FARP1: variants seen among roughly 807,000 people sequenced by gnomAD.
FARP1 encodes FERM, ARH/RhoGEF and pleckstrin domain protein 1.
FARP1 carries 52 observed loss-of-function variants against 128.8 expected under a neutral mutation model. The observed-to-expected ratio is 0.40, with a 90% CI of 0.32 to 0.51. FARP1 has a LOEUF of 0.51. Among genes scored for constraint, FARP1 ranks in the 20% least tolerant of loss-of-function variants. The probability of loss-of-function intolerance (pLI) is 0.45; values close to 1 mark genes in which losing one functional copy is unlikely to be tolerated. For synonymous variants in FARP1, 580 were observed against 551.8 expected, an observed-to-expected ratio of 1.05 and a Z score of -0.72; for missense variants, 1,333 against 1,367.9, an observed-to-expected ratio of 0.97 and a Z score of 0.40.
chr13:98,312,609 A>G (rs1362654767), intron 2 of FARP1, among the ~76,000 whole-genome samples: 2 of 152,224 alleles, frequency 1.3e-5, no homozygotes, highest in Non-Finnish European at 2.9e-5. Flanking sequence ...AAAAGAGGTC[A>G]GTATAGCTCA....
At chr13:98,378,630 G>A (rs1430840846) in intron 6 of FARP1, among the ~76,000 whole-genome samples, 7 of 151,534 alleles carry the variant, frequency 4.6e-5, no homozygotes, top group Admixed American at 4.6e-4. Flanking sequence ...ATATGAATTC[G>A]TCTCATATAA....
At chr13:98,150,388 T>C (rs1875910597) in intron 1 of FARP1, among the ~76,000 whole-genome samples, 1 of 152,326 alleles carries the variant, frequency 6.6e-6, no homozygotes, top group South Asian at 2.1e-4. Flanking sequence ...TTATTTAGGA[T>C]ACTTGATATA....
Position 98,388,403 on chromosome 13 carries a change from C to T in FARP1, c.780C>T (p.Ala260=). The T allele has an allele frequency of 6.2e-7, 1 of 1,614,006 alleles. No individual in the cohort carries two copies. The highest frequency in any genetic ancestry group is 1.3e-5 in the African/African-American group (1 of 75,050). The stretch of plus-strand genomic sequence containing the variant: ...TTTAGGGTTTCACTAAGATCAATGC[C>T]TTCAACTGGGCCAAGGTGCGGAAGC... ...LVFQGFTKIN[A]FNWAKVRKLS... Residue 260 remains alanine (A), a synonymous_variant, in exon 9 of 27, where the codon GCC becomes GCT. Transcript: ENST00000319562.
chr13:98,381,520 C>G (rs183937727), intron 6 of FARP1: 25 of 152,212 alleles, frequency 1.6e-4, no homozygotes, highest in African/African-American at 5.5e-4. Context: ...GTATTTTGAA[C>G]TTAATTTTCT....
chr13:98,448,188 G>A, intron 26 of FARP1, 48 bp from the exon 27 acceptor site: 2 of 1,496,910 alleles, frequency 1.3e-6, no homozygotes, highest in South Asian at 1.1e-5. Context: ...AAAGTGTCAG[G>A]AGTCCGTCCA....
At chr13:98,174,244 A>C (rs1393543593) in intron 1 of FARP1, among the ~76,000 whole-genome samples, 1 of 152,208 alleles carries the variant, frequency 6.6e-6, no homozygotes, top group East Asian at 1.9e-4. Context: ...TCATTTTAAA[A>C]ATGGAATAAG....
intron 2 of FARP1, among the ~76,000 whole-genome samples, chr13:98,256,949 A>ATATATATATATATATATATG (rs1883629824): frequency 4.6e-5 from 1 of 21,688 alleles, no homozygotes; most frequent in Non-Finnish European, 7.2e-5. Flanking sequence ...ATATATGTGG[A>ATATATATATATATATATATG]TATATATATA....
rs561497718 is a variant in FARP1, at chr13:98,394,394, GTTTTTCTGATGACT to G, written c.1164+677_1164+690del. 3.0e-4 allele frequency among the ~76,000 whole-genome samples: 45 copies of G among 152,314 alleles called. No homozygotes were observed. In the East Asian group the frequency reaches 8.3e-3, roughly 28 times the overall value. On this transcript the variant is annotated intron_variant, in intron 12 of 26. Transcript: ENST00000319562. ...AGTATAAGCAAACATGTCCTTTGTC[GTTTTTCTGATGACT>G]GTGTCAACTTGCCTTCAGGGGTCCC...
At chr13:98,190,432 A>C (rs914979615) in intron 1 of FARP1, among the ~76,000 whole-genome samples, 1 of 152,188 alleles carries the variant, frequency 6.6e-6, no homozygotes, top group African/African-American at 2.4e-5. Context: ...GTATATGTTT[A>C]TTTTGTGCTC....
intron 5 of FARP1, 55 bp downstream of exon 5, chr13:98,368,250 A>T: frequency 8.0e-7 from 1 of 1,252,366 alleles, no homozygotes; most frequent in Non-Finnish European, 1.2e-6. Context: ...GGAAAAGAGA[A>T]AATGAATGTT....
At chr13:98,316,184 A>G (rs1269114121) in intron 2 of FARP1, among the ~76,000 whole-genome samples, 3 of 152,144 alleles carry the variant, frequency 2.0e-5, no homozygotes, top group Non-Finnish European at 4.4e-5. Context: ...TATTTTTAAC[A>G]GTAGAGTGAA....
chr13:98,314,000 A>G (rs1366889446), intron 2 of FARP1, among the ~76,000 whole-genome samples: 1 of 152,218 alleles, frequency 6.6e-6, no homozygotes, highest in Non-Finnish European at 1.5e-5. Flanking sequence ...GCAGGTTGCC[A>G]AGGCTGCCCA....
intron 3 of FARP1, among the ~76,000 whole-genome samples, chr13:98,351,016 G>A (rs893931161): frequency 5.0e-5 from 7 of 140,976 alleles, no homozygotes; most frequent in Non-Finnish European, 7.4e-5. Flanking sequence ...GCCCAGCCTC[G>A]CCTCCCCTGC....
At chr13:98,263,956 G>A (rs923082310) in intron 2 of FARP1, among the ~76,000 whole-genome samples, 3 of 152,104 alleles carry the variant, frequency 2.0e-5, no homozygotes, top group Admixed American at 1.3e-4. Flanking sequence ...CTTTTACTAA[G>A]TTACTAATTT....
At chr13:98,366,728 C>T (rs924471886) in intron 4 of FARP1, among the ~76,000 whole-genome samples, 6 of 152,196 alleles carry the variant, frequency 3.9e-5, no homozygotes, top group African/African-American at 1.2e-4. Flanking sequence ...CAGTGAAAAT[C>T]GCAGAGAATA....
intron 1 of FARP1, among the ~76,000 whole-genome samples, chr13:98,211,861 T>C (rs541440920): frequency 6.6e-6 from 1 of 152,328 alleles, no homozygotes; most frequent in South Asian, 2.1e-4. Flanking sequence ...CAGCCAGTAT[T>C]GACCTCCACT....
intron 5 of FARP1, among the ~76,000 whole-genome samples, chr13:98,368,640 G>A (rs1344383819): frequency 6.6e-6 from 1 of 152,180 alleles, no homozygotes; most frequent in Non-Finnish European, 1.5e-5. Context: ...ACCTGGCTTC[G>A]GCCACCATCC....
Position 98,244,779 on chromosome 13 carries a change from C to A in FARP1, c.171+31366C>A, listed in dbSNP as rs1314557322. 11 of 1,585,272 alleles carry A rather than the reference C, an allele frequency of 6.9e-6. No homozygotes were observed. In the Admixed American group the frequency reaches 1.9e-4, roughly 27 times the overall value. ...GATTGGCAATGGCCAGAGTTAAATT[C>A]AAAGGTGACATTAACACATTTCAGT... On this transcript the variant is annotated intron_variant, in intron 2 of 26. Coordinates refer to ENST00000319562, the MANE Select transcript of FARP1 (RefSeq NM_005766.4).
At chr13:98,345,267 G>T (rs1193782278) in intron 3 of FARP1, among the ~76,000 whole-genome samples, 1 of 152,226 alleles carries the variant, frequency 6.6e-6, no homozygotes, top group East Asian at 1.9e-4. Flanking sequence ...TTCCAGTCCT[G>T]CAGGAGCTGT....
Sources: allele counts gnomAD v4.1 joint callset (sites outside exome capture counted in the v4.1 genomes callset), GRCh38; gene constraint gnomAD v4.1.1; transcripts MANE v1.5; gene names NCBI Gene and HGNC (gene_info 2026-07-23, HGNC 2026-07-21).